CCDC91: variants seen among roughly 807,000 people sequenced by gnomAD.
CCDC91 encodes coiled-coil domain containing 91.
In CCDC91, 48 loss-of-function variants were observed where a neutral mutation model predicts 63.2. That is an observed-to-expected ratio of 0.76 (90% CI 0.60 to 0.97). The LOEUF is 0.97. CCDC91 is among the 50% of genes least tolerant of loss of function. CCDC91 has a pLI of 0.00. For synonymous variants in CCDC91, 167 were observed against 165.8 expected, an observed-to-expected ratio of 1.01 and a Z score of -0.06; for missense variants, 500 against 494.6, an observed-to-expected ratio of 1.01 and a Z score of -0.10.
intron 12 of CCDC91, among the ~76,000 whole-genome samples, chr12:28,543,779 G>A (rs1942798480): frequency 6.6e-6 from 1 of 152,004 alleles, no homozygotes; most frequent in African/African-American, 2.4e-5. Flanking sequence ...AAACAAAACA[G>A]TTTTCCTCTG....
intron 1 of CCDC91, among the ~76,000 whole-genome samples, chr12:28,242,558 G>A (rs1182135847): frequency 1.3e-5 from 2 of 152,156 alleles, no homozygotes; most frequent in East Asian, 3.9e-4. Context: ...GGACTTGGAG[G>A]CTCCACCAGT....
chr12:28,380,856 A>G (rs1253143447), intron 7 of CCDC91, among the ~76,000 whole-genome samples: 1 of 152,144 alleles, frequency 6.6e-6, no homozygotes, highest in Admixed American at 6.6e-5. Flanking sequence ...CATTTTCAGT[A>G]TTAGAGAAAA....
At chr12:28,308,859 C>T (rs1374407928) in intron 6 of CCDC91, among the ~76,000 whole-genome samples, 1 of 151,980 alleles carries the variant, frequency 6.6e-6, no homozygotes, top group Non-Finnish European at 1.5e-5. Context: ...TTCTGGCTTC[C>T]ATCCTTGTTC....
chr12:28,233,780 T>C (rs1288585847), intron 1 of CCDC91, among the ~76,000 whole-genome samples: 1 of 152,148 alleles, frequency 6.6e-6, no homozygotes, highest in African/African-American at 2.4e-5. Flanking sequence ...ATTTTTTTTT[T>C]CGTATTGTTA....
intron 11 of CCDC91, among the ~76,000 whole-genome samples, chr12:28,460,161 G>A (rs1466082116): frequency 6.6e-6 from 1 of 152,130 alleles, no homozygotes; most frequent in Non-Finnish European, 1.5e-5. Flanking sequence ...AAAGCTGTTA[G>A]TAATTGTCTT....
intron 12 of CCDC91, among the ~76,000 whole-genome samples, chr12:28,496,943 C>CATATATAT (rs140551640): frequency 1.4e-5 from 2 of 138,104 alleles, no homozygotes; most frequent in African/African-American, 5.3e-5. Context: ...TATATATATA[C>CATATATAT]ATATATATAT....
chr12:28,201,943 A>C (rs571549562), intron 1 of CCDC91, among the ~76,000 whole-genome samples: 1 of 151,728 alleles, frequency 6.6e-6, no homozygotes, highest in Non-Finnish European at 1.5e-5. Context: ...CAGGAGAATC[A>C]GGCAGGGAGG....
chr12:28,333,983 T>A (rs1189255898), intron 6 of CCDC91, among the ~76,000 whole-genome samples: 2 of 152,196 alleles, frequency 1.3e-5, no homozygotes, highest in Non-Finnish European at 2.9e-5. Flanking sequence ...TGTACTTACA[T>A]GACAGACTTC....
chr12:28,528,139 T>C (rs1040334193), intron 12 of CCDC91, among the ~76,000 whole-genome samples: 3 of 152,240 alleles, frequency 2.0e-5, no homozygotes, highest in Non-Finnish European at 4.4e-5. Context: ...TCGGTTCAAA[T>C]TGTTGCAAAG....
chr12:28,367,271 C>T (rs532735756), intron 7 of CCDC91, among the ~76,000 whole-genome samples: 1 of 152,004 alleles, frequency 6.6e-6, no homozygotes, highest in Non-Finnish European at 1.5e-5. Flanking sequence ...ACAGAAAATA[C>T]CCGCAAGTGT....
intron 6 of CCDC91, among the ~76,000 whole-genome samples, chr12:28,326,638 A>G (rs1405423567): frequency 1.4e-5 from 2 of 146,548 alleles, no homozygotes; most frequent in Non-Finnish European, 3.0e-5. Context: ...CCTATGAGTG[A>G]GAATATGCAG....
At chr12:28,455,952 ACAGT>A (rs985665177) in intron 11 of CCDC91, among the ~76,000 whole-genome samples, 1 of 152,128 alleles carries the variant, frequency 6.6e-6, no homozygotes, top group African/African-American at 2.4e-5. Context: ...AGAGGAGTCA[ACAGT>A]CAGTATTCAA....
At chr12:28,324,025 G>A (rs1231531297) in intron 6 of CCDC91, among the ~76,000 whole-genome samples, 1 of 151,874 alleles carries the variant, frequency 6.6e-6, no homozygotes, top group Non-Finnish European at 1.5e-5. Context: ...TCTTGCAGTT[G>A]ATATGGATGA....
intron 8 of CCDC91, among the ~76,000 whole-genome samples, chr12:28,406,087 T>C (rs1169049565): frequency 6.6e-6 from 1 of 152,150 alleles, no homozygotes; most frequent in African/African-American, 2.4e-5. Context: ...GACATTATTT[T>C]TTCCTCAATT....
intron 12 of CCDC91, among the ~76,000 whole-genome samples, chr12:28,485,366 A>G (rs923935649): frequency 6.6e-6 from 1 of 151,908 alleles, no homozygotes; most frequent in Non-Finnish European, 1.5e-5. Context: ...GGGTTTCACC[A>G]TGTTGTCCAG....
At chr12:28,211,077 A>G (rs976506030) in intron 1 of CCDC91, among the ~76,000 whole-genome samples, 1 of 148,800 alleles carries the variant, frequency 6.7e-6, no homozygotes, top group African/African-American at 2.5e-5. Flanking sequence ...TGACAGAACA[A>G]TACAGAAAGA....
chr12:28,384,611 T>G (rs891726181), intron 7 of CCDC91, among the ~76,000 whole-genome samples: 1 of 152,100 alleles, frequency 6.6e-6, no homozygotes, highest in African/African-American at 2.4e-5. Context: ...AATAAATGAA[T>G]AATTGAGTGA....
At chr12:28,291,021 G>T (rs918844081) in intron 3 of CCDC91, among the ~76,000 whole-genome samples, 2 of 152,084 alleles carry the variant, frequency 1.3e-5, no homozygotes, top group African/African-American at 4.8e-5. Flanking sequence ...AAAATGTTAG[G>T]TTGGTGCAAA....
intron 1 of CCDC91, among the ~76,000 whole-genome samples, chr12:28,202,228 T>C (rs1229313727): frequency 6.6e-6 from 1 of 152,212 alleles, no homozygotes; most frequent in Non-Finnish European, 1.5e-5. Context: ...GAGAAAACGT[T>C]TTAGTGTCTT....
Sources: allele counts gnomAD v4.1 joint callset (sites outside exome capture counted in the v4.1 genomes callset), GRCh38; gene constraint gnomAD v4.1.1; transcripts MANE v1.5; gene names NCBI Gene and HGNC (gene_info 2026-07-23, HGNC 2026-07-21).